The following FBXO11 variants were observed in gnomAD, a reference collection of about 807,000 sequenced individuals.
FBXO11 encodes the protein F-box protein 11, also known as F-box only protein 11.
In FBXO11, 13 loss-of-function variants were observed where a neutral mutation model predicts 117.0. The observed-to-expected ratio is 0.11, with a 90% CI of 0.07 to 0.18. FBXO11 has a LOEUF of 0.18. Ranked by LOEUF, FBXO11 falls within the 10% of genes least tolerant of loss-of-function variation. The pLI is 1.00. For missense variants in FBXO11, 767 were observed against 1,164.4 expected (o/e 0.66, Z 4.97); for synonymous variants, 490 against 380.5 (o/e 1.29, Z -3.35).
intron 1 of FBXO11, among the ~76,000 whole-genome samples, chr2:47,843,866 G>A (rs187175169): frequency 6.6e-6 from 1 of 151,934 alleles, no homozygotes; most frequent in African/African-American, 2.4e-5. Context: ...TCAGCCTTCC[G>A]AGTAGCTGGG....
intron 16 of FBXO11, among the ~76,000 whole-genome samples, chr2:47,815,775 AGT>A (rs1394160585): frequency 1.3e-5 from 2 of 152,204 alleles, no homozygotes; most frequent in Non-Finnish European, 2.9e-5. Flanking sequence ...GAGAGTTAGA[AGT>A]TCTGGAGTCT....
chr2:47,818,453 T>G (rs928005173), intron 16 of FBXO11: 2 of 220,702 alleles, frequency 9.1e-6, no homozygotes, highest in Non-Finnish European at 1.8e-5. Flanking sequence ...GTGCCAATGA[T>G]ATGCCAGGCA....
In FBXO11 at chr2:47,814,787, C is replaced by A. The variant is rs377489311; in HGVS notation, c.2007-920G>T. On this transcript the variant is annotated intron_variant, in intron 16 of 22. Coordinates refer to ENST00000403359, the MANE Select transcript of FBXO11 (RefSeq NM_001190274.2). ...CAATGTTGTTATAGCATTTTGCTCA[C>A]AGTAGAATTTCTTTCAAAATTGTTG... Among the ~76,000 whole-genome samples the A allele has an allele frequency of 2.2e-4, 33 of 152,336 alleles. 1 individual carries two copies. Among genetic ancestry groups the A allele is most frequent in the African/African-American group, 7.9e-4 (33 of 41,572 alleles).
intron 1 of FBXO11, among the ~76,000 whole-genome samples, chr2:47,870,075 G>T (rs550798604): frequency 2.6e-5 from 4 of 152,288 alleles, no homozygotes; most frequent in African/African-American, 7.2e-5. Flanking sequence ...AAACACAAAG[G>T]CCTCTCCAAG....
intron 1 of FBXO11, among the ~76,000 whole-genome samples, chr2:47,871,923 T>C (rs572362973): frequency 3.2e-4 from 48 of 152,362 alleles, no homozygotes; most frequent in Middle Eastern, 3.4e-3. Flanking sequence ...CCACATGTCA[T>C]ATATATTTTG....
At chr2:47,876,577 T>C (rs76901131) in intron 1 of FBXO11, among the ~76,000 whole-genome samples, 577 of 152,362 alleles carry the variant, frequency 3.8e-3, no homozygotes, top group Non-Finnish European at 5.3e-3. Context: ...AGAAGATCCT[T>C]TTATCTTCTG....
chr2:47,878,669 T>C (rs1446633320), intron 1 of FBXO11, among the ~76,000 whole-genome samples: 1 of 152,092 alleles, frequency 6.6e-6, no homozygotes, highest in East Asian at 1.9e-4. Context: ...GCATTTTTTT[T>C]TTTTTTTTAA....
chr2:47,857,631 A>T (rs905046114), intron 1 of FBXO11, among the ~76,000 whole-genome samples: 12 of 152,196 alleles, frequency 7.9e-5, no homozygotes, highest in African/African-American at 2.9e-4. Context: ...TAAGATAAGG[A>T]CAGACCATGA....
At chr2:47,810,225 T>A (rs1194990700) in intron 19 of FBXO11, 91 bp downstream of exon 19, 2 of 808,138 alleles carry the variant, frequency 2.5e-6, no homozygotes, top group African/African-American at 3.5e-5. Flanking sequence ...TTGCACATTT[T>A]AGTTAATAAG....
chr2:47,860,120 A>G (rs892513242), intron 1 of FBXO11, among the ~76,000 whole-genome samples: 1 of 152,172 alleles, frequency 6.6e-6, no homozygotes, highest in African/African-American at 2.4e-5. Context: ...TTTTTCCAAG[A>G]AAGAACATGG....
At chr2:47,853,216 C>G (rs1674013004) in intron 1 of FBXO11, among the ~76,000 whole-genome samples, 1 of 151,866 alleles carries the variant, frequency 6.6e-6, no homozygotes. Flanking sequence ...GGATTACAGG[C>G]ACTCACCACC....
At chr2:47,861,397 C>A (rs1424790818) in intron 1 of FBXO11, among the ~76,000 whole-genome samples, 1 of 150,528 alleles carries the variant, frequency 6.6e-6, no homozygotes, top group Non-Finnish European at 1.5e-5. Context: ...TGGCTCACTG[C>A]AGCCTCGATC....
chr2:47,904,554 CACA>C (rs1401101873), intron 1 of FBXO11, among the ~76,000 whole-genome samples: 1 of 150,738 alleles, frequency 6.6e-6, no homozygotes, highest in Non-Finnish European at 1.5e-5. Flanking sequence ...AGGCCTTGGA[CACA>C]ACACACACAC....
chr2:47,866,514 G>GC (rs1558456248), intron 1 of FBXO11, among the ~76,000 whole-genome samples: 1 of 149,172 alleles, frequency 6.7e-6, no homozygotes, highest in Non-Finnish European at 1.5e-5. Flanking sequence ...TTGCTCTGTC[G>GC]CCAGGCTGGA....
intron 1 of FBXO11, among the ~76,000 whole-genome samples, chr2:47,861,318 C>CTTTT (rs869265850): frequency 3.0e-5 from 4 of 132,630 alleles, no homozygotes; most frequent in Non-Finnish European, 6.5e-5. Flanking sequence ...ATAGTCTGAC[C>CTTTT]TTTTTTTTTT....
chr2:47,875,899 G>T lies in FBXO11; in HGVS notation c.232+29590C>A, dbSNP rs116570575. On this transcript the variant is annotated intron_variant, in intron 1 of 22. Transcript: ENST00000403359. ...CTATTTTATTTCTATTCCTTTTGTG[G>T]TTACTCAGGTTAAAAAAGAAAAGCA... is the stretch of plus-strand genomic sequence containing the variant. Among the ~76,000 whole-genome samples, 1,002 of 151,980 alleles carry T rather than the reference G, an allele frequency of 6.6e-3. 11 individuals are homozygous for T. The highest frequency in any genetic ancestry group is 0.024 in the African/African-American group (983 of 41,448).
intron 1 of FBXO11, among the ~76,000 whole-genome samples, chr2:47,890,839 A>G (rs1035472093): frequency 1.3e-5 from 2 of 151,952 alleles, no homozygotes; most frequent in African/African-American, 4.8e-5. Flanking sequence ...TATTATTGAG[A>G]CACAGTCTTG....
At chr2:47,875,777 T>C (rs952423055) in intron 1 of FBXO11, among the ~76,000 whole-genome samples, 1 of 152,190 alleles carries the variant, frequency 6.6e-6, no homozygotes, top group East Asian at 1.9e-4. Context: ...AAATCAAAAA[T>C]GAAAATTATT....
At chr2:47,812,634 G>A (rs1283884710) in intron 18 of FBXO11, among the ~76,000 whole-genome samples, 2 of 152,158 alleles carry the variant, frequency 1.3e-5, no homozygotes, top group Non-Finnish European at 2.9e-5. Context: ...GCTATTCTAT[G>A]TAAGATATGT....
Sources: allele counts gnomAD v4.1 joint callset (sites outside exome capture counted in the v4.1 genomes callset), GRCh38; gene constraint gnomAD v4.1.1; transcripts MANE v1.5; gene names NCBI Gene and HGNC (gene_info 2026-07-23, HGNC 2026-07-21).